RAD51C: variants seen among roughly 807,000 people sequenced by gnomAD.
RAD51C encodes RAD51 paralog C.
RAD51C carries 42 observed loss-of-function variants against 45.0 expected under a neutral mutation model. The observed-to-expected ratio is 0.93, with a 90% CI of 0.73 to 1.21. The LOEUF is 1.21. Among genes scored for constraint, RAD51C ranks in the 50% most tolerant of loss-of-function variants. The pLI, the probability that RAD51C is intolerant of heterozygous loss-of-function variation, is 0.00. For missense variants in RAD51C, 474 were observed against 452.2 expected (o/e 1.05, Z -0.44); for synonymous variants, 172 against 159.8 (o/e 1.08, Z -0.58).
intron 7 of RAD51C, among the ~76,000 whole-genome samples, chr17:58,726,546 G>A (rs1021553898): frequency 1.7e-4 from 21 of 124,764 alleles, no homozygotes; most frequent in African/African-American, 3.2e-4. Flanking sequence ...ATGTGTATAA[G>A]TATAGATGTA....
intron 6 of RAD51C, among the ~76,000 whole-genome samples, chr17:58,721,905 G>A (rs1293333716): frequency 6.6e-6 from 1 of 152,108 alleles, no homozygotes; most frequent in African/African-American, 2.4e-5. Flanking sequence ...AGGTGAGCAG[G>A]ATGAAAAGGA....
chr17:58,717,099 A>C (rs921634119), intron 5 of RAD51C, among the ~76,000 whole-genome samples: 2 of 150,740 alleles, frequency 1.3e-5, no homozygotes, highest in Non-Finnish European at 3.0e-5. Flanking sequence ...GCACCTGGCT[A>C]ATTTAACTTT....
At chr17:58,696,048 C>CAGAGCA (rs1418291305) in intron 2 of RAD51C, among the ~76,000 whole-genome samples, 2 of 147,244 alleles carry the variant, frequency 1.4e-5, no homozygotes, top group Non-Finnish European at 3.0e-5. Flanking sequence ...GCTTGGGTGA[C>CAGAGCA]AGAGCAAGAC....
intron 5 of RAD51C, among the ~76,000 whole-genome samples, chr17:58,710,481 G>A (rs2048523061): frequency 2.1e-5 from 3 of 145,776 alleles, no homozygotes; most frequent in African/African-American, 7.8e-5. Context: ...CTGGGCAGCA[G>A]CAAGACTCCG....
intron 1 of RAD51C, chr17:58,694,384 G>GT (rs2143709697): frequency 6.3e-6 from 1 of 158,052 alleles, no homozygotes; most frequent in South Asian, 1.8e-4. Flanking sequence ...TGAGACACTT[G>GT]TAGGTACTCA....
chr17:58,706,238 C>T (rs895190516), intron 4 of RAD51C, among the ~76,000 whole-genome samples: 3 of 151,962 alleles, frequency 2.0e-5, no homozygotes, highest in Admixed American at 1.3e-4. Flanking sequence ...ACCACCCTGG[C>T]CAATATGGTG....
At chr17:58,697,064 T>C (rs912000599) in intron 3 of RAD51C, among the ~76,000 whole-genome samples, 1 of 152,156 alleles carries the variant, frequency 6.6e-6, no homozygotes, top group South Asian at 2.1e-4. Context: ...TTTATGGCCC[T>C]CACTTCTTCC....
At chr17:58,722,222 A>T (rs1453911225) in intron 6 of RAD51C, among the ~76,000 whole-genome samples, 1 of 152,176 alleles carries the variant, frequency 6.6e-6, no homozygotes, top group East Asian at 1.9e-4. Flanking sequence ...AGAAGCAAAT[A>T]AATGGAAATG....
chr17:58,708,803 CGT>C (rs1190673172), intron 4 of RAD51C, among the ~76,000 whole-genome samples: 1 of 151,922 alleles, frequency 6.6e-6, no homozygotes, highest in Non-Finnish European at 1.5e-5. Context: ...CTCCTGACCT[CGT>C]GATCCACCTG....
intron 4 of RAD51C, among the ~76,000 whole-genome samples, chr17:58,703,933 CTTTTTTTT>C (rs67254535): frequency 7.5e-5 from 5 of 66,480 alleles, no homozygotes; most frequent in African/African-American, 1.6e-4. Context: ...CATGTATCAC[CTTTTTTTT>C]TTTTTTTTTT....
intron 2 of RAD51C, chr17:58,695,484 A>G: frequency 1.4e-6 from 1 of 695,570 alleles, no homozygotes; most frequent in Non-Finnish European, 2.0e-6. Context: ...TGAAAGTCAG[A>G]TGTTTGAAAG....
intron 4 of RAD51C, among the ~76,000 whole-genome samples, chr17:58,707,521 G>GAA (rs151116540): frequency 1.6e-5 from 2 of 128,644 alleles, no homozygotes; most frequent in Admixed American, 8.0e-5. Context: ...GACTCCATCT[G>GAA]AAAAAAAAAA....
At chr17:58,711,454 CA>C (rs2048554081) in intron 5 of RAD51C, among the ~76,000 whole-genome samples, 1 of 151,946 alleles carries the variant, frequency 6.6e-6, no homozygotes, top group Admixed American at 6.6e-5. Flanking sequence ...CTGAAAGGAC[CA>C]AAACATTAAC....
intron 6 of RAD51C, among the ~76,000 whole-genome samples, chr17:58,723,752 A>T (rs1009173826): frequency 4.6e-5 from 7 of 151,994 alleles, no homozygotes; most frequent in Non-Finnish European, 1.0e-4. Context: ...TTTCTTCTGG[A>T]GGTCAGAAAT....
intron 7 of RAD51C, among the ~76,000 whole-genome samples, chr17:58,725,277 T>C (rs2049077455): frequency 6.6e-6 from 1 of 152,212 alleles, no homozygotes; most frequent in South Asian, 2.1e-4. Context: ...AGTAAGTTGC[T>C]GTATACTAGA....
intron 4 of RAD51C, among the ~76,000 whole-genome samples, chr17:58,708,743 G>T (rs541631131): frequency 6.6e-6 from 1 of 152,158 alleles, no homozygotes; most frequent in Admixed American, 6.6e-5. Flanking sequence ...CTGTCCCCCA[G>T]GCTGGAGTGC....
chr17:58,714,815 G>GT (rs563295017), intron 5 of RAD51C, among the ~76,000 whole-genome samples: 98 of 152,236 alleles, frequency 6.4e-4, no homozygotes, highest in Middle Eastern at 3.4e-3. Flanking sequence ...TTAAAAATAT[G>GT]TTTTTTGGAT....
At chr17:58,731,063 C>T (rs1248538696) in intron 7 of RAD51C, among the ~76,000 whole-genome samples, 1 of 152,104 alleles carries the variant, frequency 6.6e-6, no homozygotes, top group African/African-American at 2.4e-5. Flanking sequence ...GCTTATTTCA[C>T]TTAGTATAAT....
chr17:58,726,279 A>G (rs1421685859), intron 7 of RAD51C, among the ~76,000 whole-genome samples: 1 of 151,600 alleles, frequency 6.6e-6, no homozygotes. Flanking sequence ...ACCAAGGCCC[A>G]GAAAGGTTAA....
Sources: gnomAD v4.1 joint callset for allele counts (sites outside exome capture counted in the v4.1 genomes callset) on GRCh38, gnomAD v4.1.1 for gene constraint, MANE v1.5 for transcripts, NCBI Gene and HGNC (gene_info 2026-07-23, HGNC 2026-07-21) for gene names.